Variants in NRXN3 observed in about 807,000 individuals in gnomAD.
The protein encoded by NRXN3 is neurexin 3, also known as neurexin III.
Under a neutral mutation model 137.6 loss-of-function variants are expected in NRXN3, and 32 were observed. The ratio of observed to expected loss-of-function variants is 0.23; its 90% CI spans 0.18 to 0.31. The LOEUF (loss-of-function observed/expected upper bound fraction) is 0.31, where lower values mean the gene tolerates loss of function less well. NRXN3 is among the 10% of genes least tolerant of loss of function. The pLI, the probability that NRXN3 is intolerant of heterozygous loss-of-function variation, is 1.00. For synonymous variants in NRXN3, 798 were observed against 784.5 expected, an observed-to-expected ratio of 1.02 and a Z score of -0.29; for missense variants, 1,574 against 2,062.5, an observed-to-expected ratio of 0.76 and a Z score of 4.59.
rs80185416 is a variant in NRXN3, at chr14:78,618,131, T to A, written c.758-26989T>A. On this transcript the variant is annotated intron_variant, in intron 4 of 20. Coordinates refer to ENST00000335750, the MANE Select transcript of NRXN3 (RefSeq NM_001330195.2). The stretch of plus-strand genomic sequence containing the variant: ...GTGTTAGTGTTAACATGTGTCTGGC[T>A]TAACTAGTCCCTTGTTCAGGTGCAG... Among the ~76,000 whole-genome samples the A allele has an allele frequency of 8.6e-3, 1,305 of 152,234 alleles. 19 individuals are homozygous for A. The highest frequency in any genetic ancestry group is 0.028 in the African/African-American group (1,179 of 41,546).
chr14:79,036,061 G>C (rs972209650), intron 15 of NRXN3, among the ~76,000 whole-genome samples: 1 of 151,834 alleles, frequency 6.6e-6, no homozygotes, highest in Non-Finnish European at 1.5e-5. Context: ...GAAAAACATC[G>C]TAGTTTTTAC....
At chr14:79,208,626 G>A (rs1354330192) in intron 15 of NRXN3, among the ~76,000 whole-genome samples, 1 of 152,074 alleles carries the variant, frequency 6.6e-6, no homozygotes, top group Non-Finnish European at 1.5e-5. Context: ...TGTGGTCACT[G>A]TTTCAGGTGT....
intron 4 of NRXN3, among the ~76,000 whole-genome samples, chr14:78,419,937 A>C (rs1598442652): frequency 7.9e-6 from 1 of 126,224 alleles, no homozygotes. Flanking sequence ...ATCTGTGTGC[A>C]CGTGTGTGCG....
rs74068679 is a variant in NRXN3 at position 79,467,470 on chromosome 14, C to T, written c.3444+68C>T. 10,208 of 1,382,856 alleles carry T rather than the reference C, an allele frequency of 7.4e-3. 556 individuals are homozygous for T. The East Asian group carries it at 0.14, about 19-fold the overall frequency. The allele number at this position is 1,382,856 out of a possible 1,614,324, so 85.7% of individuals were successfully genotyped here. On this transcript the variant is annotated intron_variant, in intron 16 of 20. Transcript: ENST00000335750. ...GGTCTGAGTTAGTGATTCAGGTAGA[C>T]GCAGCAGAACATTCTAGATCAATAT...
chr14:79,853,640 C>T (rs1568459959), intron 20 of NRXN3: 2 of 1,342,948 alleles, frequency 1.5e-6, no homozygotes, highest in African/African-American at 1.5e-5. Context: ...CTGTGTAGTT[C>T]ACTCATAGAT....
intron 15 of NRXN3, among the ~76,000 whole-genome samples, chr14:79,151,230 G>A (rs756870271): frequency 2.0e-5 from 3 of 152,026 alleles, no homozygotes; most frequent in Non-Finnish European, 4.4e-5. Context: ...TGCCTTTGGT[G>A]GGTGAGGTAA....
chr14:78,851,698 G>A (rs1043908804), intron 10 of NRXN3, among the ~76,000 whole-genome samples: 8 of 152,122 alleles, frequency 5.3e-5, no homozygotes, highest in African/African-American at 1.9e-4. Context: ...TCACTCAGAT[G>A]GAAGGAAACA....
At chr14:78,543,512 G>C (rs2096611137) in intron 4 of NRXN3, among the ~76,000 whole-genome samples, 1 of 151,916 alleles carries the variant, frequency 6.6e-6, no homozygotes, top group African/African-American at 2.4e-5. Flanking sequence ...TGGAGCCTTG[G>C]GATCCAGAAC....
At chr14:78,796,436 A>G (rs2098822024) in intron 8 of NRXN3, among the ~76,000 whole-genome samples, 1 of 152,218 alleles carries the variant, frequency 6.6e-6, no homozygotes, top group South Asian at 2.1e-4. Context: ...GTCACTGACT[A>G]TCTGGAACAG....
intron 10 of NRXN3, among the ~76,000 whole-genome samples, chr14:78,880,580 C>A (rs2099126331): frequency 6.6e-6 from 1 of 151,974 alleles, no homozygotes. Flanking sequence ...TTGATGCAGT[C>A]CAGAAAGATG....
At chr14:79,706,687 C>T (rs544304188) in intron 19 of NRXN3, among the ~76,000 whole-genome samples, 2 of 152,222 alleles carry the variant, frequency 1.3e-5, no homozygotes, top group African/African-American at 2.4e-5. Context: ...CCCACTCCCC[C>T]CAGCTGCTCT....
chr14:78,463,779 A>AT (rs71452897), intron 4 of NRXN3, among the ~76,000 whole-genome samples: 59,594 of 147,320 alleles, frequency 0.4, 12,586 homozygotes, highest in Middle Eastern at 0.6. Flanking sequence ...TGTTGTTGGG[A>AT]TTTTTTTTAG....
chr14:78,343,310 G>C (rs1421041283), intron 4 of NRXN3, among the ~76,000 whole-genome samples: 1 of 152,148 alleles, frequency 6.6e-6, no homozygotes. Flanking sequence ...TATCTATGAT[G>C]AGGGTCAAAT....
At chr14:78,587,008 A>G (rs964650708) in intron 4 of NRXN3, among the ~76,000 whole-genome samples, 2 of 152,202 alleles carry the variant, frequency 1.3e-5, no homozygotes, top group Non-Finnish European at 2.9e-5. Context: ...TCCCAGAAAC[A>G]GTCTTGAATG....
intron 2 of NRXN3, 139 bp from the exon 3 acceptor site, chr14:78,278,506 C>G (rs1567151837): frequency 1.4e-6 from 1 of 733,272 alleles, no homozygotes; most frequent in Admixed American, 2.1e-5. Flanking sequence ...AAGCTGAGTA[C>G]CTCTGGGGCT....
chr14:78,462,399 G>C (rs1209148889), intron 4 of NRXN3, among the ~76,000 whole-genome samples: 1 of 152,072 alleles, frequency 6.6e-6, no homozygotes, highest in Non-Finnish European at 1.5e-5. Context: ...GCAGATGAGG[G>C]GGGTGCTCAT....
intron 16 of NRXN3, among the ~76,000 whole-genome samples, chr14:79,647,391 A>G (rs2098457322): frequency 7.4e-6 from 1 of 135,624 alleles, no homozygotes; most frequent in African/African-American, 2.4e-5. Context: ...GTACCTTTCT[A>G]TACGGAACGG....
At chr14:79,511,569 G>C (rs57886744) in intron 16 of NRXN3, among the ~76,000 whole-genome samples, 3,532 of 152,246 alleles carry the variant, frequency 0.023, 162 homozygotes, top group East Asian at 0.17. Context: ...TTAGGTAACT[G>C]TTTAATAAAT....
At chr14:78,799,169 T>A (rs1223083667) in intron 8 of NRXN3, among the ~76,000 whole-genome samples, 1 of 152,240 alleles carries the variant, frequency 6.6e-6, no homozygotes, top group Non-Finnish European at 1.5e-5. Flanking sequence ...CTGCAACTTT[T>A]TTGGACCTTT....
Sources: gnomAD v4.1 joint callset for allele counts (sites outside exome capture counted in the v4.1 genomes callset) on GRCh38, gnomAD v4.1.1 for gene constraint, MANE v1.5 for transcripts, NCBI Gene and HGNC (gene_info 2026-07-23, HGNC 2026-07-21) for gene names.